Variants in GPC5 observed in about 807,000 individuals in gnomAD.
GPC5 encodes the protein glypican 5, also known as glypican-5.
In GPC5, 47 loss-of-function variants were observed where a neutral mutation model predicts 53.9. The ratio of observed to expected loss-of-function variants is 0.87; its 90% CI spans 0.69 to 1.11. The LOEUF is 1.11. GPC5 is among the 50% of genes most tolerant of loss of function. GPC5 has a pLI of 0.00. For synonymous variants in GPC5, 286 were observed against 263.3 expected (o/e 1.09, Z -0.84); for missense variants, 748 against 713.1 (o/e 1.05, Z -0.56).
At position 92,639,367 on chromosome 13, in the gene GPC5, C is replaced by A. The variant is rs143981054; in HGVS notation, c.1562-226915C>A. On this transcript the variant is annotated intron_variant, in intron 7 of 7. Transcript: ENST00000377067. ...GTTCCATTCCAGCTAAGCTGTGTTT[C>A]CCACCTGTTCTGTACTTGCTAAAAA... Among the ~76,000 whole-genome samples, 668 of 152,270 alleles carry A rather than the reference C, an allele frequency of 4.4e-3. 6 individuals are homozygous for A. Among genetic ancestry groups the A allele is most frequent in the African/African-American group, 0.015 (628 of 41,544 alleles).
At chr13:92,568,206 A>G (rs1317052155) in intron 7 of GPC5, among the ~76,000 whole-genome samples, 5 of 152,162 alleles carry the variant, frequency 3.3e-5, no homozygotes, top group Non-Finnish European at 5.9e-5. Context: ...TTTATTACCA[A>G]TGCAAATAAT....
intron 2 of GPC5, among the ~76,000 whole-genome samples, chr13:91,549,079 G>A (rs1403095681): frequency 1.3e-5 from 2 of 152,190 alleles, no homozygotes; most frequent in Admixed American, 6.5e-5. Flanking sequence ...GACCAGCCTG[G>A]CCAATATGGT....
At chr13:91,933,981 T>A (rs2039846427) in intron 6 of GPC5, among the ~76,000 whole-genome samples, 1 of 151,940 alleles carries the variant, frequency 6.6e-6, no homozygotes, top group Non-Finnish European at 1.5e-5. Context: ...CCATATTGTG[T>A]CCCTTGTAGT....
At chr13:91,892,691 A>G (rs1056979725) in intron 5 of GPC5, among the ~76,000 whole-genome samples, 1 of 151,780 alleles carries the variant, frequency 6.6e-6, no homozygotes, top group Non-Finnish European at 1.5e-5. Context: ...ATAGACCCAA[A>G]TATATTTAGA....
intron 4 of GPC5, among the ~76,000 whole-genome samples, chr13:91,751,542 G>A (rs1052568952): frequency 6.6e-6 from 1 of 152,164 alleles, no homozygotes; most frequent in Non-Finnish European, 1.5e-5. Flanking sequence ...CGTGCTAGAG[G>A]GAAACAGAAG....
intron 3 of GPC5, among the ~76,000 whole-genome samples, chr13:91,705,776 C>T (rs1450037842): frequency 6.7e-6 from 1 of 149,514 alleles, no homozygotes; most frequent in African/African-American, 2.5e-5. Flanking sequence ...TTACCCAAAA[C>T]CTGAAAAGAA....
chr13:92,142,652 A>G (rs748016718), intron 6 of GPC5, among the ~76,000 whole-genome samples: 18 of 152,194 alleles, frequency 1.2e-4, no homozygotes, highest in Non-Finnish European at 2.1e-4. Context: ...TTTAAAAATC[A>G]ATTATCTTTC....
chr13:92,726,247 C>T (rs929093256), intron 7 of GPC5, among the ~76,000 whole-genome samples: 2 of 151,536 alleles, frequency 1.3e-5, no homozygotes, highest in African/African-American at 2.4e-5. Context: ...AAACTATTAA[C>T]TCAAAACACC....
At chr13:92,051,189 T>C (rs2041024360) in intron 6 of GPC5, among the ~76,000 whole-genome samples, 1 of 145,030 alleles carries the variant, frequency 6.9e-6, no homozygotes, top group Non-Finnish European at 1.5e-5. Flanking sequence ...AGACTGCATT[T>C]CATTTTTTTC....
intron 6 of GPC5, among the ~76,000 whole-genome samples, chr13:92,042,517 C>G (rs2040949796): frequency 6.6e-6 from 1 of 152,046 alleles, no homozygotes; most frequent in South Asian, 2.1e-4. Context: ...ATCTGAGCAG[C>G]AACATGTTTG....
chr13:92,301,568 G>A (rs1342098614), intron 7 of GPC5, among the ~76,000 whole-genome samples: 2 of 152,012 alleles, frequency 1.3e-5, no homozygotes, highest in African/African-American at 4.8e-5. Flanking sequence ...TAATTCCACT[G>A]GGTTGTTGTA....
chr13:92,032,721 C>G (rs557401083), intron 6 of GPC5, among the ~76,000 whole-genome samples: 69 of 152,308 alleles, frequency 4.5e-4, no homozygotes, highest in African/African-American at 1.7e-3. Flanking sequence ...TCAATGCCCT[C>G]TCTGTCCTCT....
chr13:92,025,315 T>C (rs1485871439), intron 6 of GPC5, among the ~76,000 whole-genome samples: 1 of 152,186 alleles, frequency 6.6e-6, no homozygotes, highest in African/African-American at 2.4e-5. Flanking sequence ...ATTCTTTTTT[T>C]CTCTTCTCTT....
At chr13:92,605,694 A>C (rs555717953) in intron 7 of GPC5, among the ~76,000 whole-genome samples, 1 of 151,104 alleles carries the variant, frequency 6.6e-6, no homozygotes, top group African/African-American at 2.4e-5. Flanking sequence ...GGTTCACGCC[A>C]TTCTCCTGCC....
chr13:91,570,397 T>G (rs111314278), intron 2 of GPC5, among the ~76,000 whole-genome samples: 315 of 152,282 alleles, frequency 2.1e-3, no homozygotes, highest in Non-Finnish European at 3.0e-3. Flanking sequence ...AAGTTTTGGA[T>G]TTGAGATGCT....
chr13:91,709,249 A>G (rs142543460), intron 3 of GPC5, among the ~76,000 whole-genome samples: 2 of 152,300 alleles, frequency 1.3e-5, no homozygotes, highest in African/African-American at 2.4e-5. Flanking sequence ...TCAGAATGCT[A>G]TTTTTAAAAG....
intron 6 of GPC5, among the ~76,000 whole-genome samples, chr13:92,055,910 C>T (rs960274317): frequency 6.6e-6 from 1 of 151,914 alleles, no homozygotes; most frequent in Non-Finnish European, 1.5e-5. Flanking sequence ...ATCCCAGATG[C>T]AATAGTTTAA....
chr13:92,601,712 T>A (rs1047308825), intron 7 of GPC5, among the ~76,000 whole-genome samples: 5 of 152,036 alleles, frequency 3.3e-5, no homozygotes, highest in Non-Finnish European at 7.4e-5. Context: ...TTTATATGAA[T>A]GTATTAATAT....
At chr13:92,811,725 T>A (rs939723487) in intron 7 of GPC5, among the ~76,000 whole-genome samples, 1 of 151,950 alleles carries the variant, frequency 6.6e-6, no homozygotes, top group Non-Finnish European at 1.5e-5. Context: ...TCTAAGAGAT[T>A]TATAGTTTTA....
Sources: allele counts gnomAD v4.1 joint callset (sites outside exome capture counted in the v4.1 genomes callset), GRCh38; gene constraint gnomAD v4.1.1; transcripts MANE v1.5; gene names NCBI Gene and HGNC (gene_info 2026-07-23, HGNC 2026-07-21).